The following CNTNAP2 variants were observed in gnomAD, a reference collection of about 807,000 sequenced individuals.
CNTNAP2 encodes the protein contactin-associated protein-like 2.
CNTNAP2 carries 98 observed loss-of-function variants against 155.2 expected under a neutral mutation model. That is an observed-to-expected ratio of 0.63 (90% CI 0.54 to 0.75). The LOEUF is 0.75. Ranked by LOEUF, CNTNAP2 falls within the 30% of genes least tolerant of loss-of-function variation. The pLI is 0.00. For synonymous variants in CNTNAP2, 651 were observed against 631.2 expected (o/e 1.03, Z -0.47); for missense variants, 1,727 against 1,688.1 (o/e 1.02, Z -0.40).
chr7:148,093,786 T>A (rs1335363333), intron 15 of CNTNAP2, among the ~76,000 whole-genome samples: 1 of 152,198 alleles, frequency 6.6e-6, no homozygotes, highest in African/African-American at 2.4e-5. Context: ...TTTTCTTTCT[T>A]TCTTTTGAGA....
At chr7:147,936,030 AG>A (rs1800601069) in intron 14 of CNTNAP2, among the ~76,000 whole-genome samples, 1 of 152,066 alleles carries the variant, frequency 6.6e-6, no homozygotes, top group East Asian at 1.9e-4. Context: ...TCAACTTAAA[AG>A]TGTGCCTGTT....
chr7:146,406,282 A>T (rs553769432), intron 1 of CNTNAP2, among the ~76,000 whole-genome samples: 1 of 152,310 alleles, frequency 6.6e-6, no homozygotes, highest in South Asian at 2.1e-4. Flanking sequence ...TAAAATCAGA[A>T]TCCACAAATT....
At position 147,638,117 on chromosome 7, in the gene CNTNAP2, AT is replaced by A. The variant is rs557470922; in HGVS notation, c.1898-987del. ...AAATATATTTGATATGCCTCAATCC[AT>A]TGCAGAATATTCTTGTTGATGTTCA... On this transcript the variant is annotated intron_variant, in intron 12 of 23. Transcript: ENST00000361727. Among the ~76,000 whole-genome samples, 637 of 152,334 alleles carry A rather than the reference AT, an allele frequency of 4.2e-3. 2 individuals carry two copies. Among genetic ancestry groups the A allele is most frequent in the Non-Finnish European group, 6.8e-3 (463 of 68,040 alleles).
At chr7:147,066,749 C>T (rs1370372411) in intron 4 of CNTNAP2, among the ~76,000 whole-genome samples, 1 of 152,114 alleles carries the variant, frequency 6.6e-6, no homozygotes, top group Non-Finnish European at 1.5e-5. Flanking sequence ...TATTTATTTC[C>T]TCTTTATTTT....
intron 1 of CNTNAP2, among the ~76,000 whole-genome samples, chr7:146,464,292 A>G (rs950528851): frequency 6.8e-6 from 1 of 146,116 alleles, no homozygotes; most frequent in Non-Finnish European, 1.5e-5. Flanking sequence ...AGGCAGATTT[A>G]TTGTCTTTCC....
chr7:146,747,324 G>A (rs1396803712), intron 1 of CNTNAP2, among the ~76,000 whole-genome samples: 1 of 152,124 alleles, frequency 6.6e-6, no homozygotes. Flanking sequence ...AGAGATTAAG[G>A]ATATGGCGTA....
At chr7:146,309,410 C>T (rs1053673051) in intron 1 of CNTNAP2, among the ~76,000 whole-genome samples, 1 of 152,124 alleles carries the variant, frequency 6.6e-6, no homozygotes, top group Non-Finnish European at 1.5e-5. Flanking sequence ...AGTAAGGCAT[C>T]TTAGCGGCCA....
chr7:146,335,204 T>G (rs748017624), intron 1 of CNTNAP2, among the ~76,000 whole-genome samples: 1 of 152,226 alleles, frequency 6.6e-6, no homozygotes, highest in Non-Finnish European at 1.5e-5. Context: ...GTTGAGAGTT[T>G]TCATTATGAC....
rs758183945 is a variant in CNTNAP2 at position 148,099,854 on chromosome 7, CT to C, written c.2384-18252del. The stretch of plus-strand genomic sequence containing the variant: ...CTGAGCTCCTCCTTGCTCCTCCCTC[CT>C]TTTTTTTTTTTGGTTTTTTTTTTTT... On this transcript the variant is annotated intron_variant, in intron 15 of 23. Transcript: ENST00000361727. Among the ~76,000 whole-genome samples the C allele has an allele frequency of 3.8e-3, 476 of 126,446 alleles. 3 individuals carry two copies. The highest frequency in any genetic ancestry group is 9.5e-3 in the African/African-American group (303 of 32,044). 83.0% of individuals were successfully genotyped at this position (126,446 alleles called of 152,430 possible).
chr7:147,380,043 C>T (rs1428717268), intron 9 of CNTNAP2, among the ~76,000 whole-genome samples: 1 of 151,966 alleles, frequency 6.6e-6, no homozygotes, highest in African/African-American at 2.4e-5. Flanking sequence ...TTCAGGCTCC[C>T]ATGTTGCCTC....
chr7:147,669,016 A>G (rs980647477), intron 13 of CNTNAP2, among the ~76,000 whole-genome samples: 1 of 152,156 alleles, frequency 6.6e-6, no homozygotes, highest in East Asian at 1.9e-4. Context: ...TAGATATACA[A>G]ACACTTACCA....
intron 1 of CNTNAP2, among the ~76,000 whole-genome samples, chr7:146,456,215 C>A (rs1282819915): frequency 6.6e-6 from 1 of 152,014 alleles, no homozygotes; most frequent in Non-Finnish European, 1.5e-5. Flanking sequence ...TGGTTGATTT[C>A]CAAAATCAAA....
At position 147,987,485 on chromosome 7, in the gene CNTNAP2, C is replaced by T. The variant is rs1274745155; in HGVS notation, c.2383+9496C>T. Among the ~76,000 whole-genome samples, 3 of 152,146 alleles carry T rather than the reference C, an allele frequency of 2.0e-5. No homozygotes were observed. In the East Asian group the frequency reaches 5.8e-4, roughly 29 times the overall value. The stretch of plus-strand genomic sequence containing the variant: ...TCGTCACATGCCACAGAGGAATTAA[C>T]GTGAATGAGCTGATGCCAGACTTGG... On this transcript the variant is annotated intron_variant, in intron 15 of 23. Coordinates refer to ENST00000361727, the MANE Select transcript of CNTNAP2 (RefSeq NM_014141.6).
At chr7:147,505,143 G>C (rs1459082516) in intron 11 of CNTNAP2, among the ~76,000 whole-genome samples, 1 of 152,106 alleles carries the variant, frequency 6.6e-6, no homozygotes. Context: ...CTCAGAAACA[G>C]TTCTCTCAGC....
At chr7:147,427,128 G>A (rs905694640) in intron 10 of CNTNAP2, among the ~76,000 whole-genome samples, 1 of 152,236 alleles carries the variant, frequency 6.6e-6, no homozygotes, top group East Asian at 1.9e-4. Flanking sequence ...GGAGAAGAAT[G>A]CAGTCTCCTC....
chr7:147,968,683 G>A (rs1801271332), intron 14 of CNTNAP2, among the ~76,000 whole-genome samples: 2 of 152,086 alleles, frequency 1.3e-5, no homozygotes, highest in Non-Finnish European at 2.9e-5. Context: ...CTCAGCCCAT[G>A]GGTTTCCCTT....
chr7:146,566,434 G>A (rs1294621165), intron 1 of CNTNAP2, among the ~76,000 whole-genome samples: 2 of 152,156 alleles, frequency 1.3e-5, no homozygotes, highest in African/African-American at 4.8e-5. Flanking sequence ...TATCTTGGAA[G>A]ATTCCACTAA....
intron 1 of CNTNAP2, among the ~76,000 whole-genome samples, chr7:146,286,585 G>C (rs1406923301): frequency 6.6e-6 from 1 of 152,004 alleles, no homozygotes; most frequent in Non-Finnish European, 1.5e-5. Context: ...ATGTGATTTT[G>C]CCACTCCCTG....
chr7:148,030,498 G>T (rs890312579), intron 15 of CNTNAP2, among the ~76,000 whole-genome samples: 1 of 151,526 alleles, frequency 6.6e-6, no homozygotes, highest in African/African-American at 2.4e-5. Flanking sequence ...TCAATGTCAA[G>T]GAATAATGTA....
Sources: allele counts gnomAD v4.1 joint callset (sites outside exome capture counted in the v4.1 genomes callset), GRCh38; gene constraint gnomAD v4.1.1; transcripts MANE v1.5; gene names NCBI Gene and HGNC (gene_info 2026-07-23, HGNC 2026-07-21).